NCOA1: variants seen among roughly 807,000 people sequenced by gnomAD.
NCOA1 encodes the protein Hin-2 protein.
A neutral mutation model predicts 150.9 loss-of-function variants in NCOA1; 35 were observed. The ratio of observed to expected loss-of-function variants is 0.23; its 90% CI spans 0.18 to 0.31. NCOA1 has a LOEUF of 0.31. Ranked by LOEUF, NCOA1 falls within the 10% of genes least tolerant of loss-of-function variation. The probability of loss-of-function intolerance (pLI) is 1.00; values close to 1 mark genes in which losing one functional copy is unlikely to be tolerated. For missense variants in NCOA1, 1,491 were observed against 1,749.3 expected (o/e 0.85, Z 2.63); for synonymous variants, 590 against 630.0 (o/e 0.94, Z 0.95).
chr2:24,766,132 TC>T (rs1215947831), intron 22 of NCOA1, among the ~76,000 whole-genome samples: 1 of 152,158 alleles, frequency 6.6e-6, no homozygotes, highest in Non-Finnish European at 1.5e-5. Flanking sequence ...ACTTCTAGCA[TC>T]AAGTGATCCT....
intron 13 of NCOA1, among the ~76,000 whole-genome samples, chr2:24,708,275 GAA>G (rs1233921213): frequency 6.6e-6 from 1 of 152,180 alleles, no homozygotes; most frequent in African/African-American, 2.4e-5. Context: ...AAGTGGGAGA[GAA>G]ATGTAAGGAG....
intron 1 of NCOA1, among the ~76,000 whole-genome samples, chr2:24,504,398 A>G (rs902746573): frequency 2.0e-5 from 3 of 152,238 alleles, no homozygotes; most frequent in African/African-American, 7.2e-5. Context: ...AAAAGTAGTC[A>G]TAGGATACTA....
chr2:24,704,492 T>G (rs917366655), intron 11 of NCOA1, among the ~76,000 whole-genome samples: 1 of 152,116 alleles, frequency 6.6e-6, no homozygotes, highest in Non-Finnish European at 1.5e-5. Context: ...AAGATTAAGG[T>G]TGGGCCAGGC....
At chr2:24,652,713 T>C (rs1670763820) in intron 4 of NCOA1, among the ~76,000 whole-genome samples, 1 of 152,136 alleles carries the variant, frequency 6.6e-6, no homozygotes, top group African/African-American at 2.4e-5. Context: ...TTCCTAAAAC[T>C]ACTCTCTAGA....
intron 7 of NCOA1, among the ~76,000 whole-genome samples, chr2:24,674,740 G>A (rs2148522754): frequency 9.8e-6 from 1 of 102,052 alleles, no homozygotes; most frequent in East Asian, 3.8e-4. Context: ...TACTCATTAA[G>A]TCCAGTATGG....
chr2:24,546,269 A>C (rs1039970936), intron 1 of NCOA1, among the ~76,000 whole-genome samples: 4 of 152,146 alleles, frequency 2.6e-5, no homozygotes, highest in Non-Finnish European at 4.4e-5. Context: ...AGACTAATGA[A>C]TATCTTAATT....
At position 24,509,565 on chromosome 2, in the gene NCOA1, G is replaced by C. The variant is rs1338389898; in HGVS notation, c.-396+17963G>C. 2.0e-5 allele frequency among the ~76,000 whole-genome samples: 3 copies of C among 152,178 alleles called. No homozygotes were observed. In the East Asian group the frequency reaches 5.8e-4, roughly 29 times the overall value. ...GGAAAGAACCCTGTGGTCATTTTCT[G>C]ACTTTCATTTCTATTACTATTGCTG... On this transcript the variant is annotated intron_variant, in intron 1 of 22. Transcript: ENST00000348332.
At chr2:24,740,898 G>A (rs1455705520) in intron 18 of NCOA1, among the ~76,000 whole-genome samples, 1 of 152,104 alleles carries the variant, frequency 6.6e-6, no homozygotes, top group African/African-American at 2.4e-5. Context: ...TTCTGAAGAA[G>A]GCTTTATTGA....
At chr2:24,551,144 T>C (rs567046249) in intron 1 of NCOA1, among the ~76,000 whole-genome samples, 10 of 152,254 alleles carry the variant, frequency 6.6e-5, no homozygotes, top group African/African-American at 1.7e-4. Flanking sequence ...GGTTGTCTTT[T>C]TTTGTAAGGC....
chr2:24,762,605 G>A, intron 21 of NCOA1, 82 bp from the exon 22 acceptor site: 1 of 1,214,702 alleles, frequency 8.2e-7, no homozygotes, highest in Non-Finnish European at 1.2e-6. Context: ...TTTTCTGTCA[G>A]TGAGATTGTT....
rs56294287 is a variant in NCOA1, at chr2:24,670,672, G to A, written c.257-2694G>A. 5.2e-3 allele frequency among the ~76,000 whole-genome samples: 787 copies of A among 152,226 alleles called. 8 individuals carry two copies. Among genetic ancestry groups the A allele is most frequent in the African/African-American group, 0.018 (755 of 41,538 alleles). ...AATTGGTAGATGCCTCAGACTTAGG[G>A]GTATTGGAAAAATGGGGAGTGACTG... On this transcript the variant is annotated intron_variant, in intron 6 of 22. Transcript: ENST00000348332.
chr2:24,586,092 T>G (rs1394128743), intron 3 of NCOA1, among the ~76,000 whole-genome samples: 1 of 150,826 alleles, frequency 6.6e-6, no homozygotes, highest in Non-Finnish European at 1.5e-5. Flanking sequence ...CTGGGCAACA[T>G]GGAAAAAACC....
chr2:24,690,470 T>C (rs1672610917), intron 8 of NCOA1, among the ~76,000 whole-genome samples: 1 of 151,518 alleles, frequency 6.6e-6, no homozygotes, highest in African/African-American at 2.4e-5. Context: ...CTGGCCAACA[T>C]GGTGAAACCC....
At chr2:24,722,490 TG>T (rs978408839) in intron 14 of NCOA1, among the ~76,000 whole-genome samples, 17 of 152,206 alleles carry the variant, frequency 1.1e-4, no homozygotes, top group African/African-American at 3.4e-4. Flanking sequence ...AAAAGAATAA[TG>T]CTGTTTTTTT....
intron 19 of NCOA1, among the ~76,000 whole-genome samples, chr2:24,743,280 A>T (rs2148665006): frequency 6.6e-6 from 1 of 152,390 alleles, no homozygotes; most frequent in East Asian, 1.9e-4. Flanking sequence ...TGTCAAAGTT[A>T]TACAGAGATT....
At chr2:24,627,568 A>G (rs771660326) in intron 3 of NCOA1, among the ~76,000 whole-genome samples, 1 of 149,060 alleles carries the variant, frequency 6.7e-6, no homozygotes, top group Non-Finnish European at 1.5e-5. Context: ...TTTAACTATC[A>G]CCTAAAGAGA....
At chr2:24,605,721 G>T (rs927683345) in intron 3 of NCOA1, among the ~76,000 whole-genome samples, 1 of 152,124 alleles carries the variant, frequency 6.6e-6, no homozygotes, top group Non-Finnish European at 1.5e-5. Context: ...ACAGAGTTAG[G>T]TTGAATTTTC....
chr2:24,519,571 G>A (rs1664338795), intron 1 of NCOA1, among the ~76,000 whole-genome samples: 1 of 150,884 alleles, frequency 6.6e-6, no homozygotes, highest in African/African-American at 2.4e-5. Flanking sequence ...TGTAATCCCA[G>A]CACTTTGGGA....
chr2:24,554,775 A>C (rs948426118), intron 1 of NCOA1, among the ~76,000 whole-genome samples: 1 of 152,122 alleles, frequency 6.6e-6, no homozygotes, highest in Non-Finnish European at 1.5e-5. Context: ...AGTCTTTAAG[A>C]ATGGCAACCA....
Sources: allele counts gnomAD v4.1 joint callset (sites outside exome capture counted in the v4.1 genomes callset), GRCh38; gene constraint gnomAD v4.1.1; transcripts MANE v1.5; gene names NCBI Gene and HGNC (gene_info 2026-07-23, HGNC 2026-07-21).